FER: variants seen among roughly 807,000 people sequenced by gnomAD.
FER encodes tyrosine-protein kinase Fer.
In FER, 63 loss-of-function variants were observed where a neutral mutation model predicts 111.0. The observed-to-expected ratio is 0.57, with a 90% CI of 0.46 to 0.70. The LOEUF (loss-of-function observed/expected upper bound fraction) is 0.70. Ranked by LOEUF, FER falls within the 30% of genes least tolerant of loss-of-function variation. The probability of loss-of-function intolerance (pLI) is 0.00; values close to 1 mark genes in which losing one functional copy is unlikely to be tolerated. For synonymous variants in FER, 327 were observed against 313.9 expected, an observed-to-expected ratio of 1.04 and a Z score of -0.44; for missense variants, 914 against 954.0, an observed-to-expected ratio of 0.96 and a Z score of 0.55.
chr5:109,014,907 C>A (rs993596839), intron 13 of FER: 4 of 152,118 alleles, frequency 2.6e-5, no homozygotes, highest in African/African-American at 7.2e-5. Context: ...CTGTATCGTT[C>A]CAATTTTAGT....
intron 16 of FER, among the ~76,000 whole-genome samples, chr5:109,070,872 AT>A (rs1187498654): frequency 1.3e-5 from 2 of 149,674 alleles, no homozygotes; most frequent in Admixed American, 6.6e-5. Context: ...TAATACAAAC[AT>A]GATTATTTCA....
At chr5:109,077,421 C>A (rs922160792) in intron 16 of FER, among the ~76,000 whole-genome samples, 5 of 152,048 alleles carry the variant, frequency 3.3e-5, no homozygotes, top group Non-Finnish European at 7.4e-5. Flanking sequence ...TAATAAATAT[C>A]AATAATTTCT....
rs958478049 is a variant in FER, at chr5:108,756,265, C to T, written c.-206+8265C>T. On this transcript the variant is annotated intron_variant, in intron 1 of 19. Coordinates refer to ENST00000281092, the MANE Select transcript of FER (RefSeq NM_005246.4). ...TTTAGAATTACATGCTTTCTATGTA[C>T]GTTCTTATATAGGTTAACCATTACT... 4.6e-5 allele frequency among the ~76,000 whole-genome samples: 7 copies of T among 151,644 alleles called. No homozygotes were observed. In the East Asian group the frequency reaches 1.2e-3, roughly 25 times the overall value.
chr5:109,076,830 A>G (rs1208076998), intron 16 of FER, among the ~76,000 whole-genome samples: 2 of 152,198 alleles, frequency 1.3e-5, no homozygotes, highest in African/African-American at 2.4e-5. Context: ...AAGCAACTAT[A>G]TCTTGAGTTT....
chr5:109,088,874 C>G (rs993984284), intron 16 of FER, among the ~76,000 whole-genome samples: 1 of 152,010 alleles, frequency 6.6e-6, no homozygotes. Flanking sequence ...AAAAGAACAG[C>G]CTCTTATAGA....
At chr5:108,943,229 G>A (rs888600994) in intron 10 of FER, among the ~76,000 whole-genome samples, 7 of 152,144 alleles carry the variant, frequency 4.6e-5, no homozygotes, top group Non-Finnish European at 5.9e-5. Flanking sequence ...TTTCATTAAT[G>A]ATCAGCGTAA....
chr5:109,017,537 C>T (rs1331941662), intron 13 of FER, among the ~76,000 whole-genome samples: 1 of 151,854 alleles, frequency 6.6e-6, no homozygotes, highest in Non-Finnish European at 1.5e-5. Context: ...ATTGTTGAAC[C>T]TTTGTCTTGA....
intron 13 of FER, among the ~76,000 whole-genome samples, chr5:108,963,927 T>C (rs1406103131): frequency 6.6e-6 from 1 of 152,190 alleles, no homozygotes; most frequent in Admixed American, 6.5e-5. Context: ...TATTACTGTT[T>C]AGTAATTTTC....
intron 13 of FER, among the ~76,000 whole-genome samples, chr5:108,993,550 T>TGTGGGGAGAGGGAGACC (rs1561736491): frequency 2.2e-5 from 3 of 138,222 alleles, no homozygotes; most frequent in Non-Finnish European, 3.1e-5. Context: ...AGAGGGAGAC[T>TGTGGGGAGAGGGAGACC]GTGGGGAGAG....
At chr5:108,754,669 C>G (rs1050810902) in intron 1 of FER, among the ~76,000 whole-genome samples, 9 of 152,222 alleles carry the variant, frequency 5.9e-5, no homozygotes, top group Non-Finnish European at 1.3e-4. Context: ...GTACCTCAGT[C>G]TGTATTGTGA....
intron 9 of FER, chr5:108,894,296 A>G (rs1748689346): frequency 1.3e-6 from 1 of 747,718 alleles, no homozygotes; most frequent in Non-Finnish European, 1.8e-6. Flanking sequence ...TCAGGTTGGG[A>G]CTTGGGGGTC....
intron 13 of FER, among the ~76,000 whole-genome samples, chr5:108,978,954 T>C (rs1761722921): frequency 6.6e-6 from 1 of 152,220 alleles, no homozygotes; most frequent in African/African-American, 2.4e-5. Flanking sequence ...GTTATGCAAC[T>C]ACCTGTAGGT....
At chr5:108,773,214 C>T (rs1019775273) in intron 2 of FER, among the ~76,000 whole-genome samples, 1 of 152,088 alleles carries the variant, frequency 6.6e-6, no homozygotes, top group African/African-American at 2.4e-5. Flanking sequence ...CTCAGGGTTA[C>T]ATGTGCAGGA....
intron 16 of FER, among the ~76,000 whole-genome samples, chr5:109,082,284 C>G (rs1777075832): frequency 1.3e-5 from 2 of 151,974 alleles, no homozygotes; most frequent in South Asian, 4.1e-4. Flanking sequence ...AGTGGCTGCA[C>G]CACCCTGCAC....
At chr5:108,952,219 A>G (rs1451927791) in intron 11 of FER, among the ~76,000 whole-genome samples, 2 of 152,152 alleles carry the variant, frequency 1.3e-5, no homozygotes, top group Non-Finnish European at 2.9e-5. Context: ...AACCCTGTCT[A>G]TTGAGGCTGA....
intron 16 of FER, among the ~76,000 whole-genome samples, chr5:109,053,205 G>C (rs1452933574): frequency 6.6e-6 from 1 of 151,852 alleles, no homozygotes; most frequent in African/African-American, 2.4e-5. Context: ...CCAACATAGC[G>C]AAACCCCATC....
intron 1 of FER, among the ~76,000 whole-genome samples, chr5:108,766,646 A>AC (rs1561386224): frequency 6.6e-6 from 1 of 152,146 alleles, no homozygotes; most frequent in African/African-American, 2.4e-5. Context: ...TGCCTGACAT[A>AC]CTGTGTTTGA....
At chr5:108,785,589 A>G (rs1402758574) in intron 2 of FER, 3 of 445,902 alleles carry the variant, frequency 6.7e-6, no homozygotes, top group East Asian at 5.3e-5. Context: ...TAAGAAACGA[A>G]CAAACTGGAA....
chr5:108,791,950 A>G (rs1241953868), intron 2 of FER, among the ~76,000 whole-genome samples: 18 of 152,250 alleles, frequency 1.2e-4, no homozygotes, highest in Admixed American at 1.0e-3. Flanking sequence ...TTCTTTTCCA[A>G]TGGAATGGAC....
Sources: allele counts gnomAD v4.1 joint callset (sites outside exome capture counted in the v4.1 genomes callset), GRCh38; gene constraint gnomAD v4.1.1; transcripts MANE v1.5; gene names NCBI Gene and HGNC (gene_info 2026-07-23, HGNC 2026-07-21).